Variants in MAGI2 observed in about 807,000 individuals in gnomAD.
The protein encoded by MAGI2 is membrane-associated guanylate kinase, WW and PDZ domain-containing protein 2.
A neutral mutation model predicts 133.3 loss-of-function variants in MAGI2; 35 were observed. The observed-to-expected ratio is 0.26, with a 90% CI of 0.20 to 0.35. The LOEUF (loss-of-function observed/expected upper bound fraction) is 0.35, where lower values mean the gene tolerates loss of function less well. MAGI2 is among the 10% of genes least tolerant of loss of function. The pLI is 1.00. For synonymous variants in MAGI2, 729 were observed against 710.6 expected (o/e 1.03, Z -0.41); for missense variants, 1,636 against 1,863.4 (o/e 0.88, Z 2.25).
intron 2 of MAGI2, among the ~76,000 whole-genome samples, chr7:78,819,244 T>C (rs1429780856): frequency 6.6e-6 from 1 of 152,116 alleles, no homozygotes; most frequent in African/African-American, 2.4e-5. Flanking sequence ...TAAGGACTCA[T>C]GGGAGAGATT....
Position 78,582,076 on chromosome 7 carries a change from T to C in MAGI2, c.538+45044A>G, listed in dbSNP as rs188340146. Among the ~76,000 whole-genome samples the C allele has an allele frequency of 3.2e-3, 488 of 152,328 alleles. 4 individuals carry two copies. The highest frequency in any genetic ancestry group is 0.011 in the African/African-American group (478 of 41,584). ...GGTAAGGGGATGATGAGAGTGACTT[T>C]CCTGCTTCTGTTGTTTTCTCAGATG... On this transcript the variant is annotated intron_variant, in intron 3 of 21. Coordinates refer to ENST00000354212, the MANE Select transcript of MAGI2 (RefSeq NM_012301.4).
intron 2 of MAGI2, among the ~76,000 whole-genome samples, chr7:78,996,014 A>C (rs1806274721): frequency 6.6e-6 from 1 of 152,162 alleles, no homozygotes. Flanking sequence ...TATTTCTTGC[A>C]CATAGGAAAT....
At chr7:78,302,023 T>G (rs1284354270) in intron 9 of MAGI2, among the ~76,000 whole-genome samples, 1 of 152,106 alleles carries the variant, frequency 6.6e-6, no homozygotes, top group Non-Finnish European at 1.5e-5. Context: ...GCACATAGAG[T>G]GCTAGCCAAA....
chr7:78,889,923 C>G (rs931431458), intron 2 of MAGI2, among the ~76,000 whole-genome samples: 3 of 152,158 alleles, frequency 2.0e-5, no homozygotes, highest in East Asian at 3.9e-4. Flanking sequence ...AATTAAAAGA[C>G]ACAGACTGGC....
Position 78,126,783 on chromosome 7 carries a change from G to C in MAGI2, c.3423+414C>G, listed in dbSNP as rs568432868. ...TTTATCACAGAGTGGCAGGTAGGGG[G>C]CCACGTAAAAAAATATGGACCTAAA... On this transcript the variant is annotated intron_variant, in intron 19 of 21. Coordinates refer to ENST00000354212, the MANE Select transcript of MAGI2 (RefSeq NM_012301.4). Among the ~76,000 whole-genome samples, 459 of 152,266 alleles carry C rather than the reference G, an allele frequency of 3.0e-3. 1 individual carries two copies. Among genetic ancestry groups the C allele is most frequent in the African/African-American group, 0.01 (430 of 41,558 alleles).
intron 2 of MAGI2, among the ~76,000 whole-genome samples, chr7:78,842,286 G>C (rs1174413642): frequency 1.3e-5 from 2 of 151,974 alleles, no homozygotes; most frequent in African/African-American, 4.8e-5. Context: ...ACTATAGCCT[G>C]GGGCAAGGCT....
At chr7:78,301,665 ACTTTT>A (rs1289320028) in intron 9 of MAGI2, among the ~76,000 whole-genome samples, 8 of 152,208 alleles carry the variant, frequency 5.3e-5, no homozygotes, top group African/African-American at 1.2e-4. Flanking sequence ...ATGATTGGAA[ACTTTT>A]CTTTTTTTGT....
chr7:78,418,734 A>G (rs184395289), intron 6 of MAGI2, among the ~76,000 whole-genome samples: 13 of 152,282 alleles, frequency 8.5e-5, no homozygotes, highest in Non-Finnish European at 1.8e-4. Context: ...AGTCAGTTTC[A>G]GTCTCATCTG....
At chr7:78,420,189 C>G (rs545048100) in intron 6 of MAGI2, among the ~76,000 whole-genome samples, 44 of 152,246 alleles carry the variant, frequency 2.9e-4, no homozygotes, top group Middle Eastern at 6.8e-3. Context: ...AGAACAACAG[C>G]AACTAGAATC....
At chr7:78,634,867 G>C (rs1809459466) in intron 2 of MAGI2, among the ~76,000 whole-genome samples, 1 of 151,922 alleles carries the variant, frequency 6.6e-6, no homozygotes, top group African/African-American at 2.4e-5. Context: ...TTTCCTAAGT[G>C]GTGTATAGGA....
At chr7:79,168,907 T>TATATAA (rs1562958584) in intron 1 of MAGI2, among the ~76,000 whole-genome samples, 2 of 10,218 alleles carry the variant, frequency 2.0e-4, no homozygotes, top group Admixed American at 2.1e-3. Context: ...TATATATATA[T>TATATAA]ATATATATAT....
chr7:78,161,633 A>G (rs1824985417), intron 15 of MAGI2, among the ~76,000 whole-genome samples: 1 of 150,236 alleles, frequency 6.7e-6, no homozygotes, highest in South Asian at 2.1e-4. Context: ...AGAAAAAACA[A>G]AGACTGCAAG....
intron 1 of MAGI2, among the ~76,000 whole-genome samples, chr7:79,330,768 T>A (rs1462329798): frequency 6.6e-6 from 1 of 152,116 alleles, no homozygotes; most frequent in African/African-American, 2.4e-5. Flanking sequence ...ACATAATATA[T>A]AATAACATAT....
At chr7:78,402,506 A>C (rs1378696433) in intron 6 of MAGI2, among the ~76,000 whole-genome samples, 2 of 152,080 alleles carry the variant, frequency 1.3e-5, no homozygotes, top group African/African-American at 4.8e-5. Flanking sequence ...TCTTTCCTCC[A>C]ATTTATGCAT....
intron 2 of MAGI2, among the ~76,000 whole-genome samples, chr7:78,845,250 C>T (rs1482596962): frequency 6.6e-6 from 1 of 151,882 alleles, no homozygotes; most frequent in Admixed American, 6.6e-5. Context: ...AGCAATAGTG[C>T]AATATTTCCA....
chr7:78,614,915 G>A (rs561331296), intron 3 of MAGI2: 4 of 152,134 alleles, frequency 2.6e-5, no homozygotes, highest in East Asian at 1.9e-4. Context: ...TGCACATAAC[G>A]TTTTCTGGAT....
chr7:79,311,768 C>T (rs973995381), intron 1 of MAGI2, among the ~76,000 whole-genome samples: 5 of 152,148 alleles, frequency 3.3e-5, no homozygotes, highest in Non-Finnish European at 7.4e-5. Flanking sequence ...ATTGTAACCA[C>T]TTGCTCTCTT....
At chr7:78,059,777 A>ATATATATAT (rs368179491) in intron 21 of MAGI2, among the ~76,000 whole-genome samples, 11 of 146,140 alleles carry the variant, frequency 7.5e-5, no homozygotes, top group African/African-American at 2.8e-4. Context: ...ATATATATAT[A>ATATATATAT]TTTTTTTTCT....
At chr7:78,902,057 T>A (rs997832749) in intron 2 of MAGI2, among the ~76,000 whole-genome samples, 2 of 152,172 alleles carry the variant, frequency 1.3e-5, no homozygotes, top group African/African-American at 4.8e-5. Flanking sequence ...CAAAGAGAAA[T>A]CATGGGAATT....
Sources: allele counts gnomAD v4.1 joint callset (sites outside exome capture counted in the v4.1 genomes callset), GRCh38; gene constraint gnomAD v4.1.1; transcripts MANE v1.5; gene names NCBI Gene and HGNC (gene_info 2026-07-23, HGNC 2026-07-21).